The following ZNF44 variants were observed in gnomAD, a reference collection of about 807,000 sequenced individuals.
ZNF44 encodes gonadotropin inducible transcription repressor-2.
Under a neutral mutation model 11.7 loss-of-function variants are expected in ZNF44, and 9 were observed. The observed-to-expected ratio is 0.77, with a 90% CI of 0.46 to 1.35. The LOEUF (loss-of-function observed/expected upper bound fraction) is 1.35, where lower values mean the gene tolerates loss of function less well. Among genes scored for constraint, ZNF44 ranks in the 40% most tolerant of loss-of-function variants. The pLI is 0.00. For missense variants in ZNF44, 696 were observed against 743.1 expected, an observed-to-expected ratio of 0.94 and a Z score of 0.74; for synonymous variants, 224 against 242.7, an observed-to-expected ratio of 0.92 and a Z score of 0.72.
chr19:12,253,153 T>C (rs912516609), intron 5 of ZNF44, among the ~76,000 whole-genome samples: 1 of 151,234 alleles, frequency 6.6e-6, no homozygotes, highest in Non-Finnish European at 1.5e-5. Context: ...CCGCCCGAAG[T>C]GCTGGGATTA....
intron 7 of ZNF44, among the ~76,000 whole-genome samples, chr19:12,249,176 C>T (rs1025868424): frequency 9.9e-5 from 15 of 151,592 alleles, no homozygotes; most frequent in Admixed American, 7.2e-4. Flanking sequence ...CGGGAGCCAC[C>T]GCGCCTGGAC....
exon 8 of ZNF44, chr19:12,248,395 GT>G (rs1916843611): frequency 7.7e-7 from 1 of 1,290,894 alleles, no homozygotes; most frequent in Middle Eastern, 2.1e-4. Context: ...GTTCTTTTAT[GT>G]TTTTTAAAAG....
At chr19:12,277,390 A>C (rs923192604) in intron 1 of ZNF44, among the ~76,000 whole-genome samples, 4 of 152,242 alleles carry the variant, frequency 2.6e-5, no homozygotes, top group Admixed American at 2.6e-4. Flanking sequence ...AAATGTTCTT[A>C]GACAGAATTC....
intron 1 of ZNF44, chr19:12,284,735 C>A: frequency 1.3e-6 from 1 of 759,354 alleles, no homozygotes; most frequent in Non-Finnish European, 2.3e-6. Context: ...TTAAGTGCTC[C>A]AAGGAGGCAG....
At position 12,273,936 on chromosome 19, in the gene ZNF44, C is replaced by G; in HGVS notation, c.319G>C (p.Val107Leu). The G allele has an allele frequency of 6.2e-7, 1 of 1,614,192 alleles. No homozygotes were observed. The highest frequency in any genetic ancestry group is 8.5e-7 in the Non-Finnish European group (1 of 1,180,032). Residue 107 changes from valine to leucine, a missense_variant, in exon 4 of 4, where the codon GTG becomes CTG. Physicochemically the swap from Val to Leu is conservative, Grantham distance 32. Coordinates refer to ENST00000355684, the MANE Select transcript of ZNF44 (RefSeq NM_016264.4). ...TGACCCATTATGACTTCTCCATTCA[C>G]ACTGCTTCCACATGCATCTACTCTG... ...PARVDACGSSVNGEVIMGHSS... is the reference protein window; with the variant it reads ...PARVDACGSSLNGEVIMGHSS...
chr19:12,252,572 T>C (rs1451914563), intron 5 of ZNF44, among the ~76,000 whole-genome samples: 3 of 152,308 alleles, frequency 2.0e-5, no homozygotes, highest in African/African-American at 7.2e-5. Flanking sequence ...AAGTACAGTT[T>C]ATGGATAAGT....
chr19:12,283,315 T>G (rs1230433168), intron 1 of ZNF44, among the ~76,000 whole-genome samples: 1 of 152,144 alleles, frequency 6.6e-6, no homozygotes. Flanking sequence ...CAGCACACTT[T>G]TAGAAATTAC....
intron 5 of ZNF44, among the ~76,000 whole-genome samples, chr19:12,256,964 T>TC (rs1371907663): frequency 2.0e-5 from 3 of 152,100 alleles, no homozygotes; most frequent in Non-Finnish European, 4.4e-5. Context: ...CACCTCAGCC[T>TC]CCCACAGGTG....
chr19:12,294,833 C>T lies in ZNF44; in HGVS notation c.-139G>A, dbSNP rs1007987845. ...ACAGAGGTCACCAGGGTGAAGAGGC[C>T]ACTAGCTCCTGGAACGTCACACCCT... On this transcript the variant is annotated 5_prime_UTR_variant, in exon 1 of 4. Transcript: ENST00000355684. 1.5e-5 allele frequency: 15 copies of T among 987,194 alleles called. No homozygotes were observed. The Admixed American group carries it at 2.3e-4, about 15-fold the overall frequency. 61.2% of individuals were successfully genotyped at this position (987,194 alleles called of 1,614,324 possible).
chr19:12,260,493 G>C, intron 5 of ZNF44: 1 of 1,298,516 alleles, frequency 7.7e-7, no homozygotes, highest in South Asian at 1.3e-5. Context: ...CCAGAAGCCT[G>C]TGATGGTGAA....
intron 3 of ZNF44, among the ~76,000 whole-genome samples, chr19:12,274,266 C>CTTTTTTT (rs869093549): frequency 1.0e-3 from 90 of 90,208 alleles, no homozygotes; most frequent in East Asian, 1.8e-3. Context: ...ATTCTTAATT[C>CTTTTTTT]TTTTTTTTTT....
intron 1 of ZNF44, chr19:12,293,372 G>A: frequency 6.5e-7 from 1 of 1,536,246 alleles, no homozygotes; most frequent in African/African-American, 1.4e-5. Flanking sequence ...CCATAACACA[G>A]GGCCTGGAAA....
At chr19:12,229,673 G>A (rs1226712678) in intron 3 of ZNF44, among the ~76,000 whole-genome samples, 2 of 151,834 alleles carry the variant, frequency 1.3e-5, no homozygotes, top group African/African-American at 4.8e-5. Flanking sequence ...GAGTGTAGTG[G>A]CGTGATCTCT....
chr19:12,290,440 C>T (rs1378162555), intron 1 of ZNF44, among the ~76,000 whole-genome samples: 9 of 148,366 alleles, frequency 6.1e-5, no homozygotes, highest in African/African-American at 1.7e-4. Flanking sequence ...CAGTGGTTCA[C>T]GCCTGTAATC....
chr19:12,285,007 A>G, intron 1 of ZNF44: 1 of 709,040 alleles, frequency 1.4e-6, no homozygotes, highest in Non-Finnish European at 2.5e-6. Context: ...ATCCTGGGCA[A>G]CTTCGCCAAG....
At chr19:12,247,255 T>G (rs1446536935), downstream of ZNF44, 1 of 1,173,678 alleles carries the variant, frequency 8.5e-7, no homozygotes, top group Non-Finnish European at 1.1e-6. Context: ...TGAAAAACTT[T>G]CGATATTTAC....
At chr19:12,269,074 A>C (rs1328110216), downstream of ZNF44, among the ~76,000 whole-genome samples, 2 of 152,056 alleles carry the variant, frequency 1.3e-5, no homozygotes, top group Admixed American at 1.3e-4. Context: ...GAAGCACTCC[A>C]ACCACAAGTA....
chr19:12,275,624 C>T (rs149897648), intron 2 of ZNF44, among the ~76,000 whole-genome samples: 9 of 151,832 alleles, frequency 5.9e-5, no homozygotes, highest in South Asian at 2.1e-4. Flanking sequence ...CCAGCCTGGG[C>T]GACAGAGCAA....
intron 2 of ZNF44, among the ~76,000 whole-genome samples, chr19:12,233,745 T>C (rs1030675678): frequency 1.3e-5 from 2 of 152,026 alleles, no homozygotes; most frequent in Non-Finnish European, 2.9e-5. Flanking sequence ...TTCACAATCT[T>C]TCTAATGTAA....
Sources: gnomAD v4.1 joint callset for allele counts (sites outside exome capture counted in the v4.1 genomes callset) on GRCh38, gnomAD v4.1.1 for gene constraint, MANE v1.5 for transcripts, NCBI Gene and HGNC (gene_info 2026-07-23, HGNC 2026-07-21) for gene names.